Variants in ZNF362 observed in about 807,000 individuals in gnomAD.
ZNF362 encodes the protein rotund homolog.
Under a neutral mutation model 42.9 loss-of-function variants are expected in ZNF362, and 11 were observed. That is an observed-to-expected ratio of 0.26 (90% CI 0.16 to 0.42). ZNF362 has a LOEUF of 0.42. ZNF362 is among the 20% of genes least tolerant of loss of function. The pLI is 1.00. For missense variants in ZNF362, 362 were observed against 576.2 expected (o/e 0.63, Z 3.81); for synonymous variants, 255 against 257.3 (o/e 0.99, Z 0.09).
chr1:33,234,483 A>G, the ZNF362 span, among the ~76,000 whole-genome samples: 2 of 152,134 alleles, frequency 1.3e-5, no homozygotes. Flanking sequence ...AATCTTTGTG[A>G]TTTAAAGACC....
the ZNF362 span, among the ~76,000 whole-genome samples, chr1:33,209,276 G>T: frequency 6.6e-6 from 1 of 152,196 alleles, no homozygotes; most frequent in Admixed American, 6.5e-5. Context: ...AAGCTGACTT[G>T]ATCGTGGTGG....
At chr1:33,143,777 T>G in the ZNF362 span, among the ~76,000 whole-genome samples, 2 of 152,158 alleles carry the variant, frequency 1.3e-5, no homozygotes, top group East Asian at 1.9e-4. Context: ...CTCCCAGGGG[T>G]GCTGTACTCC....
At chr1:33,228,989 G>A in the ZNF362 span, among the ~76,000 whole-genome samples, 1 of 152,206 alleles carries the variant, frequency 6.6e-6, no homozygotes. Flanking sequence ...TGCTCTTGCT[G>A]CAAAGCCTTT....
At chr1:33,191,568 G>T in the ZNF362 span, among the ~76,000 whole-genome samples, 1 of 152,016 alleles carries the variant, frequency 6.6e-6, no homozygotes, top group Non-Finnish European at 1.5e-5. Context: ...GCAATGGCAC[G>T]ATCTTGGTTC....
the ZNF362 span, among the ~76,000 whole-genome samples, chr1:33,160,413 T>A: frequency 1.4e-3 from 206 of 152,122 alleles, no homozygotes; most frequent in African/African-American, 4.7e-3. Flanking sequence ...TTATTATTAT[T>A]AGTTTTTTGA....
chr1:33,284,888 C>T (rs549319088), intron 6 of ZNF362, among the ~76,000 whole-genome samples: 1 of 152,256 alleles, frequency 6.6e-6, no homozygotes. Context: ...TGGAGCCTAC[C>T]TTGGCCTCTG....
chr1:33,131,322 A>G, the ZNF362 span, among the ~76,000 whole-genome samples: 1 of 152,204 alleles, frequency 6.6e-6, no homozygotes, highest in South Asian at 2.1e-4. Context: ...CCCTGCCTTC[A>G]TACTGTTCAT....
the ZNF362 span, among the ~76,000 whole-genome samples, chr1:33,198,537 C>T: frequency 6.6e-6 from 1 of 152,024 alleles, no homozygotes; most frequent in African/African-American, 2.4e-5. Context: ...TATGGTGATG[C>T]ACGCCTCTAG....
the ZNF362 span, chr1:33,180,980 T>G: frequency 1.7e-4 from 33 of 192,530 alleles, no homozygotes; most frequent in East Asian, 3.3e-4. Context: ...CGGCCCCACC[T>G]CCAGCCCGGC....
At chr1:33,170,456 A>G in the ZNF362 span, among the ~76,000 whole-genome samples, 2 of 152,130 alleles carry the variant, frequency 1.3e-5, no homozygotes, top group Non-Finnish European at 2.9e-5. Flanking sequence ...GACTGTGGAA[A>G]GGGGAGATTT....
the ZNF362 span, among the ~76,000 whole-genome samples, chr1:33,177,889 A>G: frequency 6.6e-6 from 1 of 152,222 alleles, no homozygotes; most frequent in Non-Finnish European, 1.5e-5. This position sits in a 1 kb window ranked among gnomAD's most constrained non-coding sequence, Gnocchi z 4.1. Context: ...TAATCCTAAT[A>G]TAATTACTTC....
chr1:33,224,091 CT>C, the ZNF362 span, among the ~76,000 whole-genome samples: 4 of 152,002 alleles, frequency 2.6e-5, no homozygotes, highest in African/African-American at 9.6e-5. Flanking sequence ...TCAAAATTTA[CT>C]GAACATGCAA....
At chr1:33,279,877 CTTCT>C (rs1443829416) in intron 4 of ZNF362, among the ~76,000 whole-genome samples, 1 of 152,002 alleles carries the variant, frequency 6.6e-6, no homozygotes, top group Non-Finnish European at 1.5e-5. Flanking sequence ...CGGCAGTGAA[CTTCT>C]TTGTGCCTCA....
chr1:33,220,369 T>A, the ZNF362 span, among the ~76,000 whole-genome samples: 1 of 152,142 alleles, frequency 6.6e-6, no homozygotes, highest in Non-Finnish European at 1.5e-5. Context: ...AAGCATTACA[T>A]CCTCTAACCC....
At chr1:33,178,503 C>T in the ZNF362 span, among the ~76,000 whole-genome samples, 2 of 152,190 alleles carry the variant, frequency 1.3e-5, no homozygotes, top group Non-Finnish European at 2.9e-5. Context: ...GGCATTCACT[C>T]AGCTGGGCAC....
intron 6 of ZNF362, among the ~76,000 whole-genome samples, chr1:33,283,033 G>C (rs1472776866): frequency 6.6e-6 from 1 of 152,158 alleles, no homozygotes; most frequent in East Asian, 1.9e-4. Context: ...TATCAGCATT[G>C]TAAAAGTCAG....
At chr1:33,210,808 C>T in the ZNF362 span, among the ~76,000 whole-genome samples, 1 of 152,020 alleles carries the variant, frequency 6.6e-6, no homozygotes, top group Non-Finnish European at 1.5e-5. Context: ...TTATTTTGAG[C>T]CTATGTGTGT....
the ZNF362 span, among the ~76,000 whole-genome samples, chr1:33,137,056 T>C: frequency 5.3e-5 from 8 of 151,132 alleles, no homozygotes; most frequent in East Asian, 1.6e-3. Context: ...GGAGTGACGG[T>C]TGGCCAGGAG....
the ZNF362 span, among the ~76,000 whole-genome samples, chr1:33,179,708 C>G: frequency 7.2e-5 from 11 of 152,274 alleles, no homozygotes; most frequent in South Asian, 2.3e-3. Context: ...GATTCTGTCT[C>G]TGGCCTTGGA....
Sources: allele counts gnomAD v4.1 joint callset (sites outside exome capture counted in the v4.1 genomes callset), GRCh38; gene constraint gnomAD v4.1.1; non-coding constraint Gnocchi (gnomAD v3.1); transcripts MANE v1.5; gene names NCBI Gene and HGNC (gene_info 2026-07-23, HGNC 2026-07-21).